The following EYA2 variants were observed in gnomAD, a reference collection of about 807,000 sequenced individuals.
EYA2 encodes protein phosphatase EYA2.
A neutral mutation model predicts 69.2 loss-of-function variants in EYA2; 31 were observed. The ratio of observed to expected loss-of-function variants is 0.45; its 90% confidence interval spans 0.34 to 0.60. EYA2 has a LOEUF of 0.60. Among genes scored for constraint, EYA2 ranks in the 20% least tolerant of loss-of-function variants. EYA2 has a pLI of 0.02. For missense variants in EYA2, 622 were observed against 701.2 expected (o/e 0.89, Z 1.28); for synonymous variants, 257 against 279.4 (o/e 0.92, Z 0.80).
intron 3 of EYA2, among the ~76,000 whole-genome samples, chr20:47,002,558 A>G (rs1982446956): frequency 6.6e-6 from 1 of 152,210 alleles, no homozygotes; most frequent in South Asian, 2.1e-4. Flanking sequence ...ATGGCTGCAT[A>G]GTATTCTATG....
intron 9 of EYA2, among the ~76,000 whole-genome samples, chr20:47,141,645 C>T (rs1027816960): frequency 1.3e-5 from 2 of 152,184 alleles, no homozygotes; most frequent in African/African-American, 4.8e-5. Flanking sequence ...TATTCTGGAA[C>T]CCAAGCCAAC....
In EYA2 at chr20:47,182,628, T is replaced by TCAAAAAAAAA. The variant is rs779945744; in HGVS notation, c.1436-663_1436-662insCAAAAAAAAA. Reference sequence around the variant, plus strand: ...TGGGCAACAAGAACGAGACTCCGTCTAAAAAAAAAAAAAAAAGGTTAAGAT... The same window carrying TCAAAAAAAAA: ...TGGGCAACAAGAACGAGACTCCGTCTCAAAAAAAAAAAAAAAAAAAAAAAAAGGTTAAGAT... On this transcript the variant is annotated intron_variant, in intron 14 of 15. Transcript: ENST00000327619. 2.0e-3 allele frequency among the ~76,000 whole-genome samples: 166 copies of TCAAAAAAAAA among 84,314 alleles called. 33 individuals carry two copies. Among genetic ancestry groups the TCAAAAAAAAA allele is most frequent in the African/African-American group, 6.0e-3 (91 of 15,290 alleles). The allele number at this position is 84,314 out of a possible 152,430, so 55.3% of individuals were successfully genotyped here. A position where few individuals can be genotyped will look rare whatever the true frequency, so the allele number is the denominator to read the frequency against.
At chr20:47,078,400 A>G (rs907728949) in intron 7 of EYA2, among the ~76,000 whole-genome samples, 3 of 151,900 alleles carry the variant, frequency 2.0e-5, no homozygotes, top group African/African-American at 7.3e-5. Flanking sequence ...TAAAAACTCT[A>G]CTTTTGAAAT....
In EYA2 at chr20:47,179,704, C is replaced by G. The variant is rs568737193; in HGVS notation, c.1199-94C>G. On this transcript the variant is annotated intron_variant, in intron 12 of 15. Coordinates refer to ENST00000327619, the MANE Select transcript of EYA2 (RefSeq NM_005244.5). ...ACTTTGGGTTGTCATCTGATTTTAACCCTCAGGGTACAGTAGCTAGATTCC... is the reference window on the plus strand; with the variant it reads ...ACTTTGGGTTGTCATCTGATTTTAAGCCTCAGGGTACAGTAGCTAGATTCC... The G allele has an allele frequency of 4.8e-4, 385 of 806,466 alleles. 1 individual carries two copies. Among genetic ancestry groups the G allele is most frequent in the Non-Finnish European group, 6.3e-4 (320 of 508,176 alleles). 50.0% of individuals were successfully genotyped at this position (806,466 alleles called of 1,614,324 possible). A position where few individuals can be genotyped will look rare whatever the true frequency, so the allele number is the denominator to read the frequency against.
At chr20:46,984,972 G>A (rs1981090083) in intron 1 of EYA2, among the ~76,000 whole-genome samples, 1 of 152,156 alleles carries the variant, frequency 6.6e-6, no homozygotes, top group Admixed American at 6.5e-5. Context: ...GTTTAAATCA[G>A]TGCAGACTGA....
At chr20:47,114,057 T>G (rs1401860268) in intron 9 of EYA2, among the ~76,000 whole-genome samples, 1 of 152,118 alleles carries the variant, frequency 6.6e-6, no homozygotes, top group African/African-American at 2.4e-5. Flanking sequence ...AGTCAGCTCT[T>G]CTGTCGGGGG....
intron 9 of EYA2, among the ~76,000 whole-genome samples, chr20:47,139,410 A>G (rs962046535): frequency 2.0e-5 from 3 of 152,230 alleles, no homozygotes; most frequent in Non-Finnish European, 4.4e-5. Flanking sequence ...GCCTTTAAAA[A>G]TGTAACCTCC....
intron 6 of EYA2, among the ~76,000 whole-genome samples, chr20:47,073,672 G>A (rs1306360880): frequency 6.6e-6 from 1 of 152,118 alleles, no homozygotes; most frequent in Non-Finnish European, 1.5e-5. Flanking sequence ...TGGACCTCCA[G>A]GTGCCAGCAT....
chr20:47,049,123 T>A (rs570050952), intron 5 of EYA2, among the ~76,000 whole-genome samples: 36 of 152,336 alleles, frequency 2.4e-4, no homozygotes, highest in African/African-American at 8.7e-4. Flanking sequence ...AGTCAGTCCC[T>A]ATTCTGTTTC....
At chr20:47,045,912 C>T (rs2030013324) in intron 5 of EYA2, among the ~76,000 whole-genome samples, 1 of 152,202 alleles carries the variant, frequency 6.6e-6, no homozygotes, top group Non-Finnish European at 1.5e-5. Context: ...TCTCATCTTG[C>T]TGTTCCACAA....
In EYA2 at chr20:47,075,571, G is replaced by A. The variant is rs555003261; in HGVS notation, c.661+1236G>A. ...GCCAGGAATATGTTATCTAAAATCCGTTTGAGAACAGAAGGGCAGAGGCTT... is the reference window on the plus strand; with the variant it reads ...GCCAGGAATATGTTATCTAAAATCCATTTGAGAACAGAAGGGCAGAGGCTT... On this transcript the variant is annotated intron_variant, in intron 7 of 15. Coordinates refer to ENST00000327619, the MANE Select transcript of EYA2 (RefSeq NM_005244.5). Among the ~76,000 whole-genome samples, 8 of 152,164 alleles carry A rather than the reference G, an allele frequency of 5.3e-5. No homozygotes were observed. In the South Asian group the frequency reaches 1.2e-3, roughly 24 times the overall value.
At chr20:46,983,736 C>T (rs1412829619) in intron 1 of EYA2, among the ~76,000 whole-genome samples, 1 of 152,134 alleles carries the variant, frequency 6.6e-6, no homozygotes, top group Non-Finnish European at 1.5e-5. Context: ...TTTAGTAATC[C>T]TGAACTCCAG....
At chr20:47,105,639 A>AAAAAAAAAC (rs2032554657) in intron 9 of EYA2, among the ~76,000 whole-genome samples, 1 of 150,876 alleles carries the variant, frequency 6.6e-6, no homozygotes. Context: ...AAAAAAAAAA[A>AAAAAAAAAC]AGGAACCTGC....
At chr20:47,038,999 C>T (rs571828525) in intron 5 of EYA2, among the ~76,000 whole-genome samples, 16 of 152,270 alleles carry the variant, frequency 1.1e-4, no homozygotes, top group Admixed American at 4.6e-4. Context: ...ACTCTACCCA[C>T]GACATCACCC....
intron 9 of EYA2, among the ~76,000 whole-genome samples, chr20:47,106,540 C>A (rs1361996312): frequency 6.6e-6 from 1 of 152,064 alleles, no homozygotes; most frequent in Non-Finnish European, 1.5e-5. Flanking sequence ...GGTGAGAGTC[C>A]ATGGACCCAC....
chr20:46,991,976 A>AAAAAC (rs1417045508), intron 2 of EYA2, among the ~76,000 whole-genome samples: 2 of 143,690 alleles, frequency 1.4e-5, no homozygotes, highest in African/African-American at 5.1e-5. Flanking sequence ...CTCAAAAAAA[A>AAAAAC]AAAAAAAAAA....
chr20:47,106,306 G>T (rs1459545014), intron 9 of EYA2, among the ~76,000 whole-genome samples: 2 of 152,206 alleles, frequency 1.3e-5, no homozygotes, highest in African/African-American at 2.4e-5. Flanking sequence ...CACATGGTAG[G>T]AGCTCAGTAA....
At chr20:46,979,588 C>A (rs1203108417) in intron 1 of EYA2, 5 of 152,058 alleles carry the variant, frequency 3.3e-5, no homozygotes, top group South Asian at 2.1e-4. Flanking sequence ...TGAGTTCTCT[C>A]TTCCTTCCCC....
At chr20:46,961,191 C>G (rs1408105831) in intron 1 of EYA2, among the ~76,000 whole-genome samples, 2 of 152,040 alleles carry the variant, frequency 1.3e-5, no homozygotes, top group Non-Finnish European at 2.9e-5. Context: ...AAAAATTAGC[C>G]GGGCGTGGTG....
Sources: gnomAD v4.1 joint callset for allele counts (sites outside exome capture counted in the v4.1 genomes callset) on GRCh38, gnomAD v4.1.1 for gene constraint, MANE v1.5 for transcripts, NCBI Gene and HGNC (gene_info 2026-07-23, HGNC 2026-07-21) for gene names.